CDCA2: variants seen among roughly 807,000 people sequenced by gnomAD.
CDCA2 encodes cell division cycle associated 2.
CDCA2 carries 44 observed loss-of-function variants against 67.0 expected under a neutral mutation model. The observed-to-expected ratio is 0.66, with a 90% CI of 0.52 to 0.84. The LOEUF is 0.84. Among genes scored for constraint, CDCA2 ranks in the 40% least tolerant of loss-of-function variants. The pLI is 0.00. For missense variants in CDCA2, 1,253 were observed against 1,203.2 expected (o/e 1.04, Z -0.61); for synonymous variants, 447 against 418.7 (o/e 1.07, Z -0.82).
chr8:25,488,765 A>C (rs1803883391), intron 13 of CDCA2, 76 bp downstream of exon 13: 7 of 1,368,076 alleles, frequency 5.1e-6, no homozygotes, highest in Non-Finnish European at 4.8e-6. Flanking sequence ...AAAATATAGA[A>C]ACACATTTTT....
intron 8 of CDCA2, among the ~76,000 whole-genome samples, chr8:25,482,480 A>G (rs1803609501): frequency 6.6e-6 from 1 of 152,236 alleles, no homozygotes; most frequent in Non-Finnish European, 1.5e-5. Context: ...ATCAAAAATT[A>G]TCAGGGAAAA....
At chr8:25,495,364 C>T (rs1804173520) in intron 13 of CDCA2, among the ~76,000 whole-genome samples, 1 of 151,958 alleles carries the variant, frequency 6.6e-6, no homozygotes, top group Non-Finnish European at 1.5e-5. Flanking sequence ...AAGTTGGTGG[C>T]TTAACTTCAT....
chr8:25,463,592 C>G (rs1028050649), intron 4 of CDCA2, among the ~76,000 whole-genome samples: 1 of 151,962 alleles, frequency 6.6e-6, no homozygotes, highest in Non-Finnish European at 1.5e-5. Flanking sequence ...AAAGTGTACT[C>G]CTTCTACTGA....
Position 25,507,403 on chromosome 8 carries a change from CCTTCCA to C in CDCA2, c.2743_2748del (p.Thr915_Ser916del). Reference sequence around the variant, plus strand: ...TCTTGTATGGATTTCACTTCCACTTCCTTCCACTTCCCAAAAAGCCAAAAGAAGAAC... The same window carrying C: ...TCTTGTATGGATTTCACTTCCACTTCCTTCCCAAAAAGCCAAAAGAAGAAC... On this transcript the variant is annotated inframe_deletion, in exon 15 of 15. Transcript: ENST00000330560. 6.2e-7 allele frequency: 1 copy of C among 1,613,908 alleles called. No individual in the cohort carries two copies. The highest frequency in any genetic ancestry group is 8.5e-7 in the Non-Finnish European group (1 of 1,179,942).
At chr8:25,483,679 A>G (rs140884698) in intron 9 of CDCA2, among the ~76,000 whole-genome samples, 193 bp downstream of exon 9, 6 of 152,294 alleles carry the variant, frequency 3.9e-5, no homozygotes, top group Non-Finnish European at 8.8e-5. Flanking sequence ...TCATGGATCC[A>G]TTTTTACTTA....
intron 5 of CDCA2, 123 bp downstream of exon 5, chr8:25,466,448 T>A: frequency 1.1e-6 from 1 of 871,694 alleles, no homozygotes; most frequent in Non-Finnish European, 1.6e-6. Context: ...AAAGTGAGAC[T>A]AACATTAAAA....
In CDCA2 at chr8:25,485,180, TATAATA is replaced by T. The variant is rs59602718; in HGVS notation, c.1366-553_1366-548del. 9.3e-3 allele frequency among the ~76,000 whole-genome samples: 1,056 copies of T among 113,924 alleles called. 8 individuals carry two copies. The highest frequency in any genetic ancestry group is 0.027 in the African/African-American group (971 of 36,326). The allele number at this position is 113,924 out of a possible 152,430, so 74.7% of individuals were successfully genotyped here. ...TGCACATGCACCCTAAAACTTAAAG[TATAATA>T]ATAATAATAATAATAATAATAATAA... On this transcript the variant is annotated intron_variant, in intron 10 of 14. Coordinates refer to ENST00000330560, the MANE Select transcript of CDCA2 (RefSeq NM_152562.4).
In CDCA2 at chr8:25,485,804, C is replaced by T. The variant is rs754273757; in HGVS notation, c.1411C>T (p.Pro471Ser). The T allele has an allele frequency of 3.1e-6, 5 of 1,606,322 alleles. No individual in the cohort carries two copies. Among genetic ancestry groups the T allele is most frequent in the South Asian group, 1.1e-5 (1 of 90,038 alleles). The change falls in exon 11 of 15, where the codon CCT becomes TCT. Residue 471 changes from proline to serine, a missense_variant. Coordinates refer to ENST00000330560, the MANE Select transcript of CDCA2 (RefSeq NM_152562.4). The part of the protein sequence containing the change: ...LQVSFAVLSS[P>S]NKSSISETLS... ...AGTATCATTTGCCGTTCTCAGTTCT[C>T]CTAATAAATCATCAATCTCTGAGAC...
chr8:25,506,214 G>A (rs1053943319), intron 14 of CDCA2, among the ~76,000 whole-genome samples: 1 of 152,204 alleles, frequency 6.6e-6, no homozygotes, highest in East Asian at 1.9e-4. Flanking sequence ...CTTGTAGCAC[G>A]GGAAGGGTGT....
rs534693276 is a variant in CDCA2, at chr8:25,506,670, G to T, written c.2004G>T (p.Ser668=). 3 of 1,613,122 alleles carry T rather than the reference G, an allele frequency of 1.9e-6. No homozygotes were observed. Among genetic ancestry groups the T allele is most frequent in the Non-Finnish European group, 2.5e-6 (3 of 1,179,820 alleles). The change falls in exon 15 of 15, where the codon TCG becomes TCT. Residue 668 remains serine, a synonymous_variant. Transcript: ENST00000330560. ...GCTCTTATATAAAAAGTTCCTCATCGCTTGGCAATGCTACTTCTGATGAAG... is the reference window on the plus strand; with the variant it reads ...GCTCTTATATAAAAAGTTCCTCATCTCTTGGCAATGCTACTTCTGATGAAG... ...EFCSYIKSSS[S]LGNATSDEDP...
chr8:25,476,060 A>G (rs1207826150), intron 7 of CDCA2, among the ~76,000 whole-genome samples: 1 of 152,202 alleles, frequency 6.6e-6, no homozygotes, highest in African/African-American at 2.4e-5. Context: ...AGTCAAACAG[A>G]AAAGTTTCTT....
chr8:25,476,281 C>T lies in CDCA2; in HGVS notation c.821-3632C>T, dbSNP rs139711018. Among the ~76,000 whole-genome samples the T allele has an allele frequency of 9.2e-5, 14 of 152,296 alleles. No individual in the cohort carries two copies. The East Asian group carries it at 1.2e-3, about 13-fold the overall frequency. On this transcript the variant is annotated intron_variant, in intron 7 of 14. Transcript: ENST00000330560. ...TTTGTTTTATATCAAAGTACACATA[C>T]GTAAGGAATTAGATATAATTCAGAT...
At chr8:25,497,504 A>AAAAAAAAAAAAAAAAACTC (rs1180107695) in intron 13 of CDCA2, among the ~76,000 whole-genome samples, 1 of 27,640 alleles carries the variant, frequency 3.6e-5, no homozygotes, top group Non-Finnish European at 1.9e-4. Flanking sequence ...AAAAATAAAA[A>AAAAAAAAAAAAAAAAACTC]ATAAAAAAAA....
At chr8:25,487,725 G>C (rs1431243941) in intron 12 of CDCA2, among the ~76,000 whole-genome samples, 2 of 152,048 alleles carry the variant, frequency 1.3e-5, no homozygotes, top group Non-Finnish European at 2.9e-5. Context: ...CCTGGGCGGA[G>C]TGAGACTCCG....
intron 13 of CDCA2, among the ~76,000 whole-genome samples, chr8:25,493,392 C>T (rs560650665): frequency 6.6e-6 from 1 of 152,020 alleles, no homozygotes; most frequent in African/African-American, 2.4e-5. Flanking sequence ...GACTCAAAAA[C>T]CAGAAACAGT....
At chr8:25,485,662 G>C (rs907826626) in intron 10 of CDCA2, 97 bp from the exon 11 acceptor site, 2 of 617,236 alleles carry the variant, frequency 3.2e-6, no homozygotes, top group Non-Finnish European at 2.8e-6. Context: ...GCTTATTATA[G>C]TTTCTCCTAC....
At chr8:25,470,347 C>T (rs1803102704) in intron 7 of CDCA2, among the ~76,000 whole-genome samples, 1 of 152,128 alleles carries the variant, frequency 6.6e-6, no homozygotes, top group African/African-American at 2.4e-5. Flanking sequence ...AATCAGTATG[C>T]TTGTACTGGG....
At chr8:25,506,416 A>G (rs1048928488) in intron 14 of CDCA2, 94 bp from the exon 15 acceptor site, 4 of 1,235,460 alleles carry the variant, frequency 3.2e-6, no homozygotes, top group East Asian at 2.6e-5. Flanking sequence ...TTAAAACACA[A>G]AAACAAAACA....
At position 25,503,415 on chromosome 8, in the gene CDCA2, AGT is replaced by A; in HGVS notation, c.1717_1718del (p.Val573SerfsTer13). On this transcript the variant is annotated frameshift_variant, in exon 14 of 15. Transcript: ENST00000330560. LOFTEE classifies it high-confidence loss of function. ...CRKKKGKGKK[S>X]VQKSLYGERD... ...AAAGAAGAAAGGAAAGGGAAAGAAA[AGT>A]GTTCAGAAATCTTTATATGGGGAAA... The A allele has an allele frequency of 6.2e-7, 1 of 1,614,106 alleles. No individual in the cohort carries two copies. Among genetic ancestry groups the A allele is most frequent in the Admixed American group, 1.7e-5 (1 of 60,028 alleles).
Sources: gnomAD v4.1 joint callset for allele counts (sites outside exome capture counted in the v4.1 genomes callset) on GRCh38, gnomAD v4.1.1 for gene constraint, MANE v1.5 for transcripts, NCBI Gene and HGNC (gene_info 2026-07-23, HGNC 2026-07-21) for gene names.